The following ARHGAP22 variants were observed in gnomAD, a reference collection of about 807,000 sequenced individuals.
ARHGAP22 encodes Rho GTPase activating protein 22, also known as rho GTPase-activating protein 22.
Under a neutral mutation model 59.1 loss-of-function variants are expected in ARHGAP22, and 48 were observed. The ratio of observed to expected loss-of-function variants is 0.81; its 90% confidence interval spans 0.64 to 1.03. ARHGAP22 has a LOEUF of 1.03. ARHGAP22 is among the 50% of genes least tolerant of loss of function. ARHGAP22 has a pLI of 0.00. For missense variants in ARHGAP22, 1,015 were observed against 958.7 expected, an observed-to-expected ratio of 1.06 and a Z score of -0.78; for synonymous variants, 445 against 416.4, an observed-to-expected ratio of 1.07 and a Z score of -0.84.
intron 1 of ARHGAP22, among the ~76,000 whole-genome samples, chr10:48,591,748 C>T (rs151317589): frequency 2.0e-4 from 31 of 152,162 alleles, no homozygotes; most frequent in African/African-American, 7.2e-4. Context: ...GTGGTGTGCC[C>T]CTGTGGTCCC....
At chr10:48,490,211 T>C (rs2050250592) in intron 3 of ARHGAP22, among the ~76,000 whole-genome samples, 1 of 152,170 alleles carries the variant, frequency 6.6e-6, no homozygotes, top group South Asian at 2.1e-4. Flanking sequence ...CTTAGCTTAG[T>C]CCCTGGCAGC....
chr10:48,496,873 C>A (rs548138421), intron 3 of ARHGAP22, among the ~76,000 whole-genome samples: 2 of 152,192 alleles, frequency 1.3e-5, no homozygotes, highest in African/African-American at 4.8e-5. Flanking sequence ...GGGGTAGGAA[C>A]CAAGGTGCCC....
chr10:48,593,988 T>C (rs1057390779), intron 1 of ARHGAP22, among the ~76,000 whole-genome samples: 4 of 152,212 alleles, frequency 2.6e-5, no homozygotes, highest in Admixed American at 1.3e-4. Flanking sequence ...TTTTATTATA[T>C]AAATTACAAT....
At chr10:48,431,095 T>G in the ARHGAP22 span, 3 of 724,928 alleles carry the variant, frequency 4.1e-6, no homozygotes, top group East Asian at 8.0e-5. Flanking sequence ...CTGTTTGAAG[T>G]ACTTCACATG....
intron 1 of ARHGAP22, among the ~76,000 whole-genome samples, chr10:48,644,171 A>G (rs1022608918): frequency 1.3e-5 from 2 of 152,192 alleles, no homozygotes; most frequent in African/African-American, 4.8e-5. Flanking sequence ...AAGAAAGAAA[A>G]AGAAACATTC....
intron 3 of ARHGAP22, among the ~76,000 whole-genome samples, chr10:48,490,028 C>T (rs912674219): frequency 1.3e-5 from 2 of 152,158 alleles, no homozygotes; most frequent in South Asian, 2.1e-4. Flanking sequence ...CCACCACGCC[C>T]GGCCCAGAGG....
Position 48,604,826 on chromosome 10 carries a change from G to A in ARHGAP22, c.-30C>T. 1.2e-6 allele frequency: 2 copies of A among 1,614,122 alleles called. No individual in the cohort carries two copies. The highest frequency in any genetic ancestry group is 1.7e-6 in the Non-Finnish European group (2 of 1,180,016). ...TTGCAGCCGTCCGGCCAGCCCCGCA[G>A]GGCCGTTCATGCTGTCATCCACTTG... is the stretch of plus-strand genomic sequence containing the variant. On this transcript the variant is annotated 5_prime_UTR_variant, in exon 1 of 10. Coordinates refer to ENST00000249601, the MANE Select transcript of ARHGAP22 (RefSeq NM_021226.4).
At chr10:48,472,131 C>CG (rs1464114520) in intron 4 of ARHGAP22, among the ~76,000 whole-genome samples, 2 of 148,142 alleles carry the variant, frequency 1.4e-5, no homozygotes, top group East Asian at 2.0e-4. Flanking sequence ...CGCTTGAACC[C>CG]GGGGGGGAAG....
intron 8 of ARHGAP22, among the ~76,000 whole-genome samples, chr10:48,452,734 T>C (rs1429989902): frequency 2.6e-5 from 4 of 152,230 alleles, no homozygotes; most frequent in Admixed American, 2.0e-4. Flanking sequence ...CTCGCCTCTC[T>C]TGGCCTCAGT....
At chr10:48,468,411 G>T (rs1327378246) in intron 4 of ARHGAP22, among the ~76,000 whole-genome samples, 1 of 152,184 alleles carries the variant, frequency 6.6e-6, no homozygotes, top group African/African-American at 2.4e-5. Flanking sequence ...GGAGGCGGTG[G>T]GGGCAGGACA....
At chr10:48,540,412 G>A (rs1161105775) in intron 3 of ARHGAP22, among the ~76,000 whole-genome samples, 1 of 152,098 alleles carries the variant, frequency 6.6e-6, no homozygotes, top group Non-Finnish European at 1.5e-5. Flanking sequence ...TGTATTTTTA[G>A]TAGAGACGGG....
At chr10:48,457,650 A>C (rs1388904090) in intron 5 of ARHGAP22, among the ~76,000 whole-genome samples, 1 of 152,292 alleles carries the variant, frequency 6.6e-6, no homozygotes, top group East Asian at 1.9e-4. Flanking sequence ...CCCAGTGCCC[A>C]GGGGACACTG....
intron 3 of ARHGAP22, chr10:48,524,088 C>T: frequency 1.4e-6 from 2 of 1,459,004 alleles, no homozygotes; most frequent in Non-Finnish European, 1.8e-6. Flanking sequence ...CCAGTCCTTG[C>T]AGCAGCACAG....
chr10:48,615,458 C>T (rs1056885865), intron 1 of ARHGAP22, among the ~76,000 whole-genome samples: 1 of 152,128 alleles, frequency 6.6e-6, no homozygotes, highest in African/African-American at 2.4e-5. Flanking sequence ...TGACAAGCAG[C>T]AACAACAGAT....
chr10:48,586,066 C>T (rs1043016097), intron 1 of ARHGAP22, among the ~76,000 whole-genome samples: 3 of 152,124 alleles, frequency 2.0e-5, no homozygotes, highest in African/African-American at 7.2e-5. Context: ...GGTCCCTGCA[C>T]TTGTTCATGT....
intron 3 of ARHGAP22, among the ~76,000 whole-genome samples, chr10:48,550,555 C>A (rs1239988339): frequency 6.6e-6 from 1 of 152,212 alleles, no homozygotes; most frequent in Non-Finnish European, 1.5e-5. Context: ...ATCTCCCAGG[C>A]ATGATGGCCT....
chr10:48,639,113 T>C (rs76362314), intron 1 of ARHGAP22, among the ~76,000 whole-genome samples: 2,702 of 152,324 alleles, frequency 0.018, 98 homozygotes, highest in African/African-American at 0.062. Flanking sequence ...CCCACTTCTC[T>C]AAGCTCAGTC....
chr10:48,458,455 C>A (rs2046797662), intron 5 of ARHGAP22, among the ~76,000 whole-genome samples: 1 of 152,078 alleles, frequency 6.6e-6, no homozygotes. Context: ...ACCCCCCCAG[C>A]AGGATGGGAG....
At position 48,583,101 on chromosome 10, in the gene ARHGAP22, AT is replaced by A; in HGVS notation, c.85del (p.Met29CysfsTer11). The A allele has an allele frequency of 6.2e-7, 1 of 1,614,272 alleles. No homozygotes were observed. Among genetic ancestry groups the A allele is most frequent in the South Asian group, 1.1e-5 (1 of 91,088 alleles). ...MGEQSRSPGR[M>X]PCPHRLGPVL... ...GGGGCCCAGCCTGTGAGGGCACGGC[AT>A]CCGCCCAGGGCTCCGGCTCTGCTCC... is the stretch of plus-strand genomic sequence containing the variant. On this transcript the variant is annotated frameshift_variant, in exon 2 of 10. Coordinates refer to ENST00000249601, the MANE Select transcript of ARHGAP22 (RefSeq NM_021226.4). LOFTEE classifies it high-confidence loss of function.
Sources: allele counts gnomAD v4.1 joint callset (sites outside exome capture counted in the v4.1 genomes callset), GRCh38; gene constraint gnomAD v4.1.1; transcripts MANE v1.5; gene names NCBI Gene and HGNC (gene_info 2026-07-23, HGNC 2026-07-21).